The following NCOR1 variants were observed in gnomAD, a reference collection of about 807,000 sequenced individuals.
NCOR1 encodes nuclear receptor corepressor 1.
Under a neutral mutation model 288.1 loss-of-function variants are expected in NCOR1, and 63 were observed. That is an observed-to-expected ratio of 0.22 (90% confidence interval 0.18 to 0.27). The LOEUF (loss-of-function observed/expected upper bound fraction) is 0.27, where lower values mean the gene tolerates loss of function less well. Ranked by LOEUF, NCOR1 falls within the 10% of genes least tolerant of loss-of-function variation. NCOR1 has a pLI of 1.00. For synonymous variants in NCOR1, 1,007 were observed against 1,065.9 expected, an observed-to-expected ratio of 0.94 and a Z score of 1.08; for missense variants, 2,397 against 3,019.2, an observed-to-expected ratio of 0.79 and a Z score of 4.83.
At chr17:16,191,696 A>G (rs1230015638) in intron 2 of NCOR1, 1 of 152,240 alleles carries the variant, frequency 6.6e-6, no homozygotes, top group East Asian at 1.9e-4. Flanking sequence ...AACTAGGGGA[A>G]AAGGAGACAG....
intron 10 of NCOR1, among the ~76,000 whole-genome samples, chr17:16,144,421 A>G (rs1202793489): frequency 6.6e-6 from 1 of 152,232 alleles, no homozygotes; most frequent in Non-Finnish European, 1.5e-5. Flanking sequence ...GGTTGATAAT[A>G]AAGTTTTCTT....
At chr17:16,145,651 G>A (rs1057209516) in intron 10 of NCOR1, among the ~76,000 whole-genome samples, 10 of 152,092 alleles carry the variant, frequency 6.6e-5, no homozygotes, top group Admixed American at 2.0e-4. Context: ...AGTGAGGAGC[G>A]TCTCCGCCCC....
intron 16 of NCOR1, 98 bp from the exon 17 acceptor site, chr17:16,119,583 G>C (rs2072547974): frequency 1.2e-6 from 1 of 810,796 alleles, no homozygotes; most frequent in Non-Finnish European, 1.9e-6. Context: ...TGACATAAAA[G>C]ACTATGTAAA....
Position 16,040,422 on chromosome 17 carries a change from A to G in NCOR1, c.6733+19T>C, listed in dbSNP as rs765382362. 1 of 1,611,186 alleles carries G rather than the reference A, an allele frequency of 6.2e-7. No homozygotes were observed. The highest frequency in any genetic ancestry group is 1.1e-5 in the South Asian group (1 of 90,704). On this transcript the variant is annotated intron_variant, in intron 43 of 45. Transcript: ENST00000268712. ...CTGTGCCAATTTTGTATTGGTAAAT[A>G]ATGTCTTTTCAATCTTACCTGACGT...
chr17:16,131,556 T>G (rs1025495369), intron 14 of NCOR1, among the ~76,000 whole-genome samples: 2 of 152,152 alleles, frequency 1.3e-5, no homozygotes, highest in African/African-American at 4.8e-5. Context: ...ACGAAATTAC[T>G]AAATTTAATA....
chr17:16,204,241 T>C (rs1423126355), intron 1 of NCOR1, among the ~76,000 whole-genome samples: 1 of 152,200 alleles, frequency 6.6e-6, no homozygotes, highest in East Asian at 1.9e-4. Flanking sequence ...AAAAACAGAT[T>C]ATTCACTAAA....
At chr17:16,032,565 A>G in intron 45 of NCOR1, 82 bp from the exon 46 acceptor site, 1 of 1,333,704 alleles carries the variant, frequency 7.5e-7, no homozygotes, top group Non-Finnish European at 1.0e-6. Context: ...GATGGAGTAG[A>G]ATAGGATTAT....
intron 45 of NCOR1, 61 bp from the exon 46 acceptor site, chr17:16,032,544 A>T: frequency 6.8e-7 from 1 of 1,463,472 alleles, no homozygotes; most frequent in Non-Finnish European, 9.2e-7. Context: ...CATCCAATCC[A>T]ACTTTTGTAG....
At chr17:16,179,191 T>C (rs771513726) in intron 3 of NCOR1, among the ~76,000 whole-genome samples, 3 of 152,076 alleles carry the variant, frequency 2.0e-5, no homozygotes, top group Non-Finnish European at 4.4e-5. Flanking sequence ...AGGTACCTTA[T>C]AAAATTGCTG....
chr17:16,072,075 A>G, intron 29 of NCOR1, 70 bp downstream of exon 29: 1 of 1,210,830 alleles, frequency 8.3e-7, no homozygotes, highest in South Asian at 1.4e-5. Flanking sequence ...AATACACTGT[A>G]AATTAATGTC....
Position 16,184,266 on chromosome 17 carries a change from T to C in NCOR1, c.242+2288A>G, listed in dbSNP as rs570509371. Among the ~76,000 whole-genome samples, 38 of 152,168 alleles carry C rather than the reference T, an allele frequency of 2.5e-4. 1 individual carries two copies. Among genetic ancestry groups the C allele is most frequent in the African/African-American group, 7.5e-4 (31 of 41,532 alleles). On this transcript the variant is annotated intron_variant, in intron 3 of 45. Transcript: ENST00000268712. ...TAAAAAGCTTCTGAAAACAACAAAATGAGTCAGCAGCCTGTAGACACAGAA... is the reference window on the plus strand; with the variant it reads ...TAAAAAGCTTCTGAAAACAACAAAACGAGTCAGCAGCCTGTAGACACAGAA...
At position 16,098,390 on chromosome 17, in the gene NCOR1, G is replaced by C. The variant is rs1407777127; in HGVS notation, c.2797C>G (p.Arg933Gly). The C allele has an allele frequency of 1.2e-6, 2 of 1,613,974 alleles. No individual in the cohort carries two copies. The highest frequency in any genetic ancestry group is 1.7e-5 in the Admixed American group (1 of 60,004). ...ACCATTGGTGGGATAACAGCAGCTC[G>C]ATGCTGAAGCTGTGGCAGATCCAGT... Reference protein sequence around the residue: ...NPLDLPQLQHRAAVIPPMVSC... With the variant: ...NPLDLPQLQHGAAVIPPMVSC... The change falls in exon 21 of 46, where the codon CGA (arginine) becomes GGA (glycine). Residue 933 changes from arginine to glycine, a missense_variant. Arg to Gly is a moderately radical substitution (Grantham distance 125). Coordinates refer to ENST00000268712, the MANE Select transcript of NCOR1 (RefSeq NM_006311.4).
chr17:16,125,544 T>C (rs2073863076), intron 15 of NCOR1, among the ~76,000 whole-genome samples: 2 of 150,790 alleles, frequency 1.3e-5, no homozygotes, highest in African/African-American at 4.9e-5. Context: ...CTACTAAAAA[T>C]ACAAAAAATT....
At chr17:16,098,333 A>G (rs1241874768) in intron 21 of NCOR1, 34 bp downstream of exon 21, 10 of 1,603,966 alleles carry the variant, frequency 6.2e-6, no homozygotes, top group Non-Finnish European at 8.5e-6. Context: ...TCAGTTTTTC[A>G]TATTTAGTTT....
At chr17:16,212,906 T>C (rs371674268) in intron 1 of NCOR1, among the ~76,000 whole-genome samples, 3 of 150,976 alleles carry the variant, frequency 2.0e-5, no homozygotes, top group African/African-American at 7.3e-5. Context: ...ACCCTTTCTC[T>C]ACAAACAAAA....
chr17:16,097,830 T>C (rs1005021359), intron 21 of NCOR1, among the ~76,000 whole-genome samples: 25 of 152,280 alleles, frequency 1.6e-4, no homozygotes, highest in Middle Eastern at 6.8e-3. Flanking sequence ...CCAATACCTA[T>C]AGAACTGGCA....
At position 16,062,225 on chromosome 17, in the gene NCOR1, G is replaced by A; in HGVS notation, c.5267C>T (p.Ser1756Phe). 2 of 1,613,404 alleles carry A rather than the reference G, an allele frequency of 1.2e-6. No individual in the cohort carries two copies. Among genetic ancestry groups the A allele is most frequent in the Non-Finnish European group, 1.7e-6 (2 of 1,179,902 alleles). The change falls in exon 36 of 46, where the codon TCC becomes TTC. Residue 1756 changes from serine to phenylalanine, a missense_variant. Ser to Phe is a radical substitution (Grantham distance 155). This residue lies in a region of NCOR1 where 1,872 missense variants were observed against 2,187.8 expected (regional missense o/e 0.86). Coordinates refer to ENST00000268712, the MANE Select transcript of NCOR1 (RefSeq NM_006311.4). Reference sequence around the variant, plus strand: ...CTGAGTTCTTACTGAAGGGGAAGGGGAGCGAACATATCCATGACTGCCAGG... The same window carrying A: ...CTGAGTTCTTACTGAAGGGGAAGGGAAGCGAACATATCCATGACTGCCAGG... ...GRPGSHGYVR[S>F]PSPSVRTQET...
At chr17:16,103,854 A>G (rs1429275688) in intron 19 of NCOR1, among the ~76,000 whole-genome samples, 1 of 152,214 alleles carries the variant, frequency 6.6e-6, no homozygotes, top group Non-Finnish European at 1.5e-5. Flanking sequence ...CGTCTCTACT[A>G]AAAATACAAA....
intron 26 of NCOR1, among the ~76,000 whole-genome samples, chr17:16,079,282 G>A (rs1300663920): frequency 6.6e-6 from 1 of 152,148 alleles, no homozygotes; most frequent in Admixed American, 6.5e-5. Flanking sequence ...CTGTCTTAGA[G>A]GATAGTAACT....
Sources: allele counts gnomAD v4.1 joint callset (sites outside exome capture counted in the v4.1 genomes callset), GRCh38; gene constraint gnomAD v4.1.1; regional missense constraint gnomAD v4.1.1; transcripts MANE v1.5; gene names NCBI Gene and HGNC (gene_info 2026-07-23, HGNC 2026-07-21).